Variants in GRB10 observed in about 807,000 individuals in gnomAD.
GRB10 encodes growth factor receptor-bound protein 10.
Under a neutral mutation model 80.9 loss-of-function variants are expected in GRB10, and 20 were observed. That is an observed-to-expected ratio of 0.25 (90% CI 0.17 to 0.36). The LOEUF (loss-of-function observed/expected upper bound fraction) is 0.36. GRB10 is among the 10% of genes least tolerant of loss of function. GRB10 has a pLI of 1.00. For synonymous variants in GRB10, 291 were observed against 291.5 expected, an observed-to-expected ratio of 1.00 and a Z score of 0.02; for missense variants, 548 against 747.7, an observed-to-expected ratio of 0.73 and a Z score of 3.12.
intron 4 of GRB10, among the ~76,000 whole-genome samples, chr7:50,716,015 C>T (rs1258933624): frequency 6.6e-6 from 1 of 152,174 alleles, no homozygotes; most frequent in African/African-American, 2.4e-5. Flanking sequence ...GAGTTCAACA[C>T]TCAGGAAGGT....
chr7:50,706,490 A>G (rs2065050940), intron 4 of GRB10, among the ~76,000 whole-genome samples: 1 of 152,002 alleles, frequency 6.6e-6, no homozygotes, highest in Non-Finnish European at 1.5e-5. Flanking sequence ...TTCTTCACAC[A>G]CTCACCCTTC....
chr7:50,595,536 GA>G lies in GRB10; in HGVS notation c.1545-7del. 2 of 1,562,858 alleles carry G rather than the reference GA, an allele frequency of 1.3e-6. No homozygotes were observed. Among genetic ancestry groups the G allele is most frequent in the Non-Finnish European group, 1.8e-6 (2 of 1,133,884 alleles). ...TGTCACGGAGGAGAAAAAGCCTGGG[GA>G]AGGGAAAATAGTTGATTGCTAAAAT... On this transcript the variant is annotated splice_polypyrimidine_tract_variant and splice_region_variant and intron_variant, in intron 17 of 18. Transcript: ENST00000401949.
intron 7 of GRB10, among the ~76,000 whole-genome samples, chr7:50,644,556 C>G (rs1283782235): frequency 6.6e-6 from 1 of 152,154 alleles, no homozygotes; most frequent in Non-Finnish European, 1.5e-5. Flanking sequence ...TATTTCAAAC[C>G]CTGTCACTGA....
At chr7:50,771,117 T>C (rs979402816) in intron 2 of GRB10, among the ~76,000 whole-genome samples, 2 of 152,206 alleles carry the variant, frequency 1.3e-5, no homozygotes, top group African/African-American at 2.4e-5. Context: ...ATCTTAGTTT[T>C]TATGGAGTAA....
intron 13 of GRB10, among the ~76,000 whole-genome samples, chr7:50,610,598 G>A (rs1563147044): frequency 1.3e-5 from 2 of 152,208 alleles, no homozygotes; most frequent in Non-Finnish European, 2.9e-5. Context: ...TCTGGGGCCA[G>A]AATGTCAGGG....
chr7:50,726,664 C>G (rs1042852900), intron 4 of GRB10, among the ~76,000 whole-genome samples: 4 of 152,132 alleles, frequency 2.6e-5, no homozygotes, highest in Non-Finnish European at 5.9e-5. Flanking sequence ...AAACACCTTA[C>G]GATCAGCACA....
intron 7 of GRB10, among the ~76,000 whole-genome samples, chr7:50,660,530 G>C (rs549154333): frequency 6.6e-6 from 1 of 152,226 alleles, no homozygotes; most frequent in East Asian, 1.9e-4. Flanking sequence ...CAGAGATGCT[G>C]CCACACATCA....
chr7:50,698,884 G>C (rs1366834776), intron 5 of GRB10, among the ~76,000 whole-genome samples: 1 of 152,186 alleles, frequency 6.6e-6, no homozygotes, highest in Non-Finnish European at 1.5e-5. Context: ...AGATAAACTT[G>C]AGAAAATGTG....
At chr7:50,784,292 C>T (rs2078594683), upstream of GRB10, among the ~76,000 whole-genome samples, 1 of 152,204 alleles carries the variant, frequency 6.6e-6, no homozygotes, top group African/African-American at 2.4e-5. Flanking sequence ...ATCCAAAGTC[C>T]AGAGCAGGTT....
At chr7:50,633,722 A>AACT (rs1554502360) in intron 7 of GRB10, among the ~76,000 whole-genome samples, 205 of 151,928 alleles carry the variant, frequency 1.3e-3, no homozygotes, top group African/African-American at 4.7e-3. Context: ...CAACAACAAC[A>AACT]ACTTTTGGAA....
chr7:50,590,860 A>G lies in GRB10; in HGVS notation c.*2092T>C, dbSNP rs972134062. 6.6e-6 allele frequency: 1 copy of G among 152,250 alleles called. No homozygotes were observed. Among genetic ancestry groups the G allele is most frequent in the Non-Finnish European group, 1.5e-5 (1 of 68,038 alleles). 9.4% of individuals were successfully genotyped at this position (152,250 alleles called of 1,614,324 possible). ...CATACAAAACTGTGAATCAGAGTCA[A>G]GCTTTTGTTCTCCTTTTAAATAAAC... On this transcript the variant is annotated 3_prime_UTR_variant, in exon 19 of 19. Transcript: ENST00000401949.
intron 5 of GRB10, among the ~76,000 whole-genome samples, chr7:50,703,168 TTAAG>T (rs2064490067): frequency 1.3e-5 from 2 of 152,360 alleles, no homozygotes; most frequent in African/African-American, 4.8e-5. Flanking sequence ...ACCTTTCTCA[TTAAG>T]TAATTTAAGA....
At chr7:50,642,242 G>C (rs2056387066) in intron 7 of GRB10, among the ~76,000 whole-genome samples, 1 of 151,894 alleles carries the variant, frequency 6.6e-6, no homozygotes, top group Non-Finnish European at 1.5e-5. Flanking sequence ...CAAGGGGCCA[G>C]AACAGCCAAC....
intron 8 of GRB10, among the ~76,000 whole-genome samples, chr7:50,624,353 C>A (rs2052477752): frequency 6.6e-6 from 1 of 152,228 alleles, no homozygotes; most frequent in Non-Finnish European, 1.5e-5. Flanking sequence ...GCCCTTGCGT[C>A]CCTTTCCAAC....
At chr7:50,770,061 C>T (rs2076827039) in intron 2 of GRB10, among the ~76,000 whole-genome samples, 1 of 152,182 alleles carries the variant, frequency 6.6e-6, no homozygotes. Flanking sequence ...TTGTGCATCA[C>T]AGCCCCCACA....
At chr7:50,789,883 A>C (rs2078843506) in intron 1 of GRB10, among the ~76,000 whole-genome samples, 1 of 152,174 alleles carries the variant, frequency 6.6e-6, no homozygotes, top group African/African-American at 2.4e-5. Context: ...CTCAAAGGAC[A>C]ATCACACCAT....
chr7:50,654,128 C>A (rs2058353982), intron 7 of GRB10, among the ~76,000 whole-genome samples: 1 of 152,144 alleles, frequency 6.6e-6, no homozygotes, highest in Admixed American at 6.5e-5. Context: ...TGTGTTCTGC[C>A]AACAGAATTA....
Position 50,652,600 on chromosome 7 carries a change from T to C in GRB10, c.504+17122A>G, listed in dbSNP as rs147206892. 8.1e-3 allele frequency among the ~76,000 whole-genome samples: 1,238 copies of C among 152,226 alleles called. 16 individuals carry two copies. Among genetic ancestry groups the C allele is most frequent in the African/African-American group, 0.028 (1,181 of 41,536 alleles). ...AGAGACAAGCCACATGCACCAGGTA[T>C]GTGTCCAGAGACCAGGTCATTCCAG... On this transcript the variant is annotated intron_variant, in intron 7 of 18. Coordinates refer to ENST00000401949, the MANE Select transcript of GRB10 (RefSeq NM_001350814.2).
chr7:50,683,664 G>A (rs994041062), intron 5 of GRB10, among the ~76,000 whole-genome samples: 1 of 152,130 alleles, frequency 6.6e-6, no homozygotes, highest in Non-Finnish European at 1.5e-5. Context: ...TTGAACCCGG[G>A]AGGTGGACAT....
Sources: allele counts gnomAD v4.1 joint callset (sites outside exome capture counted in the v4.1 genomes callset), GRCh38; gene constraint gnomAD v4.1.1; transcripts MANE v1.5; gene names NCBI Gene and HGNC (gene_info 2026-07-23, HGNC 2026-07-21).